Variants in DENND4C observed in about 807,000 individuals in gnomAD.
The protein encoded by DENND4C is DENN domain-containing protein 4C.
A neutral mutation model predicts 203.0 loss-of-function variants in DENND4C; 108 were observed. The observed-to-expected ratio is 0.53, with a 90% CI of 0.46 to 0.62. The LOEUF is 0.62. DENND4C is among the 20% of genes least tolerant of loss of function. The pLI is 0.00. For missense variants in DENND4C, 2,481 were observed against 2,301.2 expected, an observed-to-expected ratio of 1.08 and a Z score of -1.60; for synonymous variants, 871 against 792.4, an observed-to-expected ratio of 1.10 and a Z score of -1.67.
At chr9:19,309,560 C>T (rs1840346261) in intron 10 of DENND4C, among the ~76,000 whole-genome samples, 1 of 151,958 alleles carries the variant, frequency 6.6e-6, no homozygotes, top group Non-Finnish European at 1.5e-5. Context: ...TTTAAAAAGT[C>T]ATGGTATGAG....
intron 30 of DENND4C, among the ~76,000 whole-genome samples, chr9:19,367,836 A>G (rs1174663100): frequency 6.6e-6 from 1 of 152,250 alleles, no homozygotes; most frequent in African/African-American, 2.4e-5. Flanking sequence ...AAGTACTGAT[A>G]TATGTACAAC....
At chr9:19,365,716 C>T (rs902234302) in intron 30 of DENND4C, among the ~76,000 whole-genome samples, 6 of 151,302 alleles carry the variant, frequency 4.0e-5, no homozygotes, top group African/African-American at 1.2e-4. Flanking sequence ...ATTAGAACTG[C>T]ATAAGTTCAG....
Position 19,358,057 on chromosome 9 carries a change from G to A in DENND4C, c.5057G>A (p.Arg1686Gln). The A allele has an allele frequency of 2.5e-6, 4 of 1,613,814 alleles. No homozygotes were observed. The highest frequency in any genetic ancestry group is 2.5e-6 in the Non-Finnish European group (3 of 1,179,776). ...SLSKRNVSLT[R>Q]SHSVGGPLQN... Reference sequence around the variant, plus strand: ...TCAAAGCGAAATGTGTCTTTGACTCGAAGTCACAGTGTTGGAGGCCCATTG... The same window carrying A: ...TCAAAGCGAAATGTGTCTTTGACTCAAAGTCACAGTGTTGGAGGCCCATTG... Residue 1686 changes from arginine (R) to glutamine (Q), a missense_variant, in exon 28 of 33, where the codon CGA (arginine) becomes CAA (glutamine). Around this residue, in one of 3 missense-constraint regions of DENND4C, gnomAD observed 2,289 missense variants for 2,113.3 expected, o/e 1.08. Coordinates refer to ENST00000434457, the MANE Select transcript of DENND4C (RefSeq NM_001330640.2). The surrounding 1 kb of genome is among the most constrained non-coding windows in gnomAD (Gnocchi z 4.8).
At chr9:19,315,119 C>G (rs1432401682) in intron 10 of DENND4C, among the ~76,000 whole-genome samples, 2 of 144,726 alleles carry the variant, frequency 1.4e-5, no homozygotes, top group African/African-American at 5.1e-5. Flanking sequence ...GAGATCGTAC[C>G]ACTGCACTCC....
intron 12 of DENND4C, among the ~76,000 whole-genome samples, chr9:19,319,382 A>G (rs1346260520): frequency 7.7e-6 from 1 of 130,306 alleles, no homozygotes; most frequent in African/African-American, 3.7e-5. Context: ...ATACACATAC[A>G]TATATATATA....
At chr9:19,240,789 A>T (rs1431420718) in intron 1 of DENND4C, among the ~76,000 whole-genome samples, 3 of 152,132 alleles carry the variant, frequency 2.0e-5, no homozygotes, top group African/African-American at 7.2e-5. Context: ...CAACATGGTG[A>T]AACTGTGTCT....
intron 9 of DENND4C, among the ~76,000 whole-genome samples, chr9:19,304,684 C>T (rs201067970): frequency 1.3e-5 from 2 of 151,594 alleles, no homozygotes. Context: ...CTATAGGGGC[C>T]CACCACCACG....
At chr9:19,256,550 G>A (rs1022021160) in intron 1 of DENND4C, among the ~76,000 whole-genome samples, 6 of 151,696 alleles carry the variant, frequency 4.0e-5, no homozygotes, top group Admixed American at 3.3e-4. Flanking sequence ...CCCAACCTCA[G>A]GTGATCTGCC....
At chr9:19,299,329 G>A (rs761761420) in intron 8 of DENND4C, 42 bp downstream of exon 8, 4 of 1,345,010 alleles carry the variant, frequency 3.0e-6, no homozygotes, top group Non-Finnish European at 4.1e-6. Flanking sequence ...TTCAGTTGGA[G>A]CAGAATGCTT....
At chr9:19,281,225 T>TG (rs1833986144) in intron 2 of DENND4C, among the ~76,000 whole-genome samples, 1 of 143,604 alleles carries the variant, frequency 7.0e-6, no homozygotes, top group African/African-American at 2.5e-5. Flanking sequence ...ATACACATCT[T>TG]GCAGTTCCTA....
chr9:19,334,977 G>A lies in DENND4C; in HGVS notation c.2461G>A (p.Val821Met). 6.3e-7 allele frequency: 1 copy of A among 1,580,972 alleles called. No homozygotes were observed. The highest frequency in any genetic ancestry group is 8.6e-7 in the Non-Finnish European group (1 of 1,169,306). The part of the protein sequence containing the change: ...RKTDVDPLDE[V>M]CYRVVMQLCG... ...GACACTGATTTTTTTTTTTTGTTAGGTGTGCTATCGAGTAGTGATGCAGCT... is the reference window on the plus strand; with the variant it reads ...GACACTGATTTTTTTTTTTTGTTAGATGTGCTATCGAGTAGTGATGCAGCT... The change falls in exon 18 of 33, where the codon GTG becomes ATG. Residue 821 changes from valine to methionine, a missense_variant and splice_region_variant. Around this residue, in one of 3 missense-constraint regions of DENND4C, gnomAD observed 2,289 missense variants for 2,113.3 expected, o/e 1.08. Coordinates refer to ENST00000434457, the MANE Select transcript of DENND4C (RefSeq NM_001330640.2).
chr9:19,305,280 T>C, intron 9 of DENND4C, 72 bp from the exon 10 acceptor site: 1 of 1,341,230 alleles, frequency 7.5e-7, no homozygotes, highest in Non-Finnish European at 1.0e-6. Context: ...CCCTTTTCAG[T>C]AATACTAGTT....
chr9:19,279,681 CAA>C (rs1211442283), intron 2 of DENND4C, among the ~76,000 whole-genome samples: 17 of 98,598 alleles, frequency 1.7e-4, no homozygotes, highest in Admixed American at 3.1e-4. Context: ...CTTCTCAAGA[CAA>C]AAAAAAAAAA....
chr9:19,374,114 A>C lies in DENND4C; in HGVS notation c.*1941A>C, dbSNP rs1393156317. On this transcript the variant is annotated 3_prime_UTR_variant, in exon 33 of 33. Transcript: ENST00000434457. ...TGCATATAAAAATTGAGGTTGAATA[A>C]AATGAAAAATTGTTGTTTTCTGTTA... 1.3e-5 allele frequency among the ~76,000 whole-genome samples: 2 copies of C among 152,230 alleles called. No homozygotes were observed. Among genetic ancestry groups the C allele is most frequent in the Non-Finnish European group, 2.9e-5 (2 of 68,046 alleles).
At chr9:19,344,396 C>G (rs1822339433) in intron 22 of DENND4C, among the ~76,000 whole-genome samples, 1 of 152,176 alleles carries the variant, frequency 6.6e-6, no homozygotes, top group South Asian at 2.1e-4. Flanking sequence ...ATTTGGCAGG[C>G]TGGAGGGAAA....
At chr9:19,281,157 T>C (rs1294969856) in intron 2 of DENND4C, among the ~76,000 whole-genome samples, 3 of 152,208 alleles carry the variant, frequency 2.0e-5, no homozygotes, top group Non-Finnish European at 4.4e-5. Flanking sequence ...AACTTAAAAA[T>C]AAAATGATGA....
At chr9:19,330,688 A>G (rs749756027) in intron 16 of DENND4C, among the ~76,000 whole-genome samples, 1 of 151,972 alleles carries the variant, frequency 6.6e-6, no homozygotes, top group Non-Finnish European at 1.5e-5. Flanking sequence ...TTCAGTGCAG[A>G]GCATAAAATG....
intron 12 of DENND4C, among the ~76,000 whole-genome samples, chr9:19,322,528 G>T (rs1222741915): frequency 3.3e-5 from 5 of 151,904 alleles, no homozygotes; most frequent in Non-Finnish European, 7.4e-5. Context: ...TTCGGAGGCC[G>T]AGGTGGGCGG....
In DENND4C at chr9:19,287,465, C is replaced by T. The variant is rs1835417098; in HGVS notation, c.558+444C>T. Among the ~76,000 whole-genome samples, 5 of 151,672 alleles carry T rather than the reference C, an allele frequency of 3.3e-5. No homozygotes were observed. The South Asian group carries it at 1.0e-3, about 32-fold the overall frequency. ...CAATCACAGCTCACTGCAGCCTTGA[C>T]CCCCCACCAGGCTCAAGTGATCTTC... On this transcript the variant is annotated intron_variant, in intron 3 of 32. Transcript: ENST00000434457.
Sources: allele counts gnomAD v4.1 joint callset (sites outside exome capture counted in the v4.1 genomes callset), GRCh38; gene constraint gnomAD v4.1.1; regional missense constraint gnomAD v4.1.1; non-coding constraint Gnocchi (gnomAD v3.1); transcripts MANE v1.5; gene names NCBI Gene and HGNC (gene_info 2026-07-23, HGNC 2026-07-21).